Variants in EXOC6B observed in about 807,000 individuals in gnomAD.
The protein encoded by EXOC6B is exocyst complex component 6B.
Under a neutral mutation model 113.5 loss-of-function variants are expected in EXOC6B, and 54 were observed. The ratio of observed to expected loss-of-function variants is 0.48; its 90% CI spans 0.38 to 0.60. EXOC6B has a LOEUF of 0.60. Among genes scored for constraint, EXOC6B ranks in the 20% least tolerant of loss-of-function variants. The pLI, the probability that EXOC6B is intolerant of heterozygous loss-of-function variation, is 0.00. For missense variants in EXOC6B, 797 were observed against 977.5 expected (o/e 0.82, Z 2.46); for synonymous variants, 357 against 339.0 (o/e 1.05, Z -0.58).
intron 18 of EXOC6B, among the ~76,000 whole-genome samples, chr2:72,419,585 T>C (rs190781419): frequency 4.6e-5 from 7 of 152,300 alleles, no homozygotes; most frequent in African/African-American, 1.4e-4. Flanking sequence ...GAATTCTTGG[T>C]TCACAGTTTG....
At chr2:72,428,717 A>G (rs1439929990) in intron 18 of EXOC6B, among the ~76,000 whole-genome samples, 3 of 152,216 alleles carry the variant, frequency 2.0e-5, no homozygotes, top group Non-Finnish European at 4.4e-5. Flanking sequence ...CAGCCAAAAA[A>G]GCAACACCCC....
At chr2:72,631,567 C>G (rs373397995) in intron 6 of EXOC6B, among the ~76,000 whole-genome samples, 4 of 150,214 alleles carry the variant, frequency 2.7e-5, no homozygotes, top group African/African-American at 7.4e-5. Flanking sequence ...TACAATGGCA[C>G]GATCACTGCT....
At chr2:72,439,961 C>G (rs763705025) in intron 18 of EXOC6B, among the ~76,000 whole-genome samples, 20 of 151,998 alleles carry the variant, frequency 1.3e-4, no homozygotes, top group South Asian at 8.3e-4. Context: ...TTCATTTGCT[C>G]TAGTCCCTAG....
At chr2:72,455,463 G>A (rs1697169388) in intron 18 of EXOC6B, among the ~76,000 whole-genome samples, 2 of 152,040 alleles carry the variant, frequency 1.3e-5, no homozygotes, top group Non-Finnish European at 2.9e-5. Context: ...AGAGAAAAAG[G>A]TATTTAAATG....
At position 72,214,830 on chromosome 2, in the gene EXOC6B, C is replaced by T. The variant is rs375557325; in HGVS notation, c.2197-30643G>A. Among the ~76,000 whole-genome samples, 15 of 152,272 alleles carry T rather than the reference C, an allele frequency of 9.9e-5. 1 individual carries two copies. The highest frequency in any genetic ancestry group is 3.6e-4 in the African/African-American group (15 of 41,542). The stretch of plus-strand genomic sequence containing the variant: ...GGGAAGCTTTTCCAAAAGGTTGATG[C>T]TATGTTTTTGCATGCGAAAATTTTG... On this transcript the variant is annotated intron_variant, in intron 20 of 21. Transcript: ENST00000272427.
intron 19 of EXOC6B, among the ~76,000 whole-genome samples, chr2:72,363,053 C>A (rs1285527521): frequency 6.6e-6 from 1 of 152,092 alleles, no homozygotes; most frequent in African/African-American, 2.4e-5. Context: ...GCAATCAACA[C>A]CTGCTGGTGT....
At chr2:72,664,744 T>G (rs1185561038) in intron 6 of EXOC6B, among the ~76,000 whole-genome samples, 1 of 152,182 alleles carries the variant, frequency 6.6e-6, no homozygotes, top group Non-Finnish European at 1.5e-5. Context: ...AGCAGCCCTT[T>G]GAAAGGTTCC....
At chr2:72,561,508 T>C (rs747306063) in intron 7 of EXOC6B, among the ~76,000 whole-genome samples, 8 of 152,126 alleles carry the variant, frequency 5.3e-5, no homozygotes. Flanking sequence ...CTCAGAACCA[T>C]AGTTTCACTC....
At chr2:72,576,979 T>C (rs537851898) in intron 6 of EXOC6B, among the ~76,000 whole-genome samples, 51 of 152,056 alleles carry the variant, frequency 3.4e-4, no homozygotes, top group Middle Eastern at 3.4e-3. Flanking sequence ...GTTAATGAAA[T>C]GAAGATAAAT....
chr2:72,583,327 T>G (rs140771518), intron 6 of EXOC6B, among the ~76,000 whole-genome samples: 51 of 152,036 alleles, frequency 3.4e-4, no homozygotes, highest in African/African-American at 1.1e-3. Flanking sequence ...ACTGGAGAGG[T>G]AAACATACAG....
chr2:72,436,882 T>G (rs1455296276), intron 18 of EXOC6B, among the ~76,000 whole-genome samples: 1 of 152,100 alleles, frequency 6.6e-6, no homozygotes, highest in Non-Finnish European at 1.5e-5. Flanking sequence ...TTATTACCCA[T>G]CTTCTGAAGC....
chr2:72,204,275 T>C (rs1185586336), intron 20 of EXOC6B, among the ~76,000 whole-genome samples: 1 of 152,126 alleles, frequency 6.6e-6, no homozygotes, highest in Non-Finnish European at 1.5e-5. Flanking sequence ...CCTGAATGTA[T>C]CAGAGCAAAC....
At chr2:72,636,899 A>C (rs1022726364) in intron 6 of EXOC6B, among the ~76,000 whole-genome samples, 1 of 152,112 alleles carries the variant, frequency 6.6e-6, no homozygotes, top group Non-Finnish European at 1.5e-5. Context: ...TGATATGATA[A>C]CCTATGTAGA....
intron 18 of EXOC6B, among the ~76,000 whole-genome samples, chr2:72,435,714 C>CA (rs796929724): frequency 1.6e-5 from 2 of 126,482 alleles, no homozygotes; most frequent in Non-Finnish European, 3.2e-5. Context: ...GCATCCCCTG[C>CA]TTTTTTTTTG....
At chr2:72,605,870 C>T (rs546489049) in intron 6 of EXOC6B, among the ~76,000 whole-genome samples, 7 of 152,120 alleles carry the variant, frequency 4.6e-5, no homozygotes, top group Non-Finnish European at 8.8e-5. Flanking sequence ...TCATAACCAC[C>T]TTTACCTCAA....
chr2:72,408,736 A>C (rs1379782840), intron 18 of EXOC6B, among the ~76,000 whole-genome samples: 3 of 152,210 alleles, frequency 2.0e-5, no homozygotes, highest in Non-Finnish European at 4.4e-5. Flanking sequence ...TAAAGACTTA[A>C]ATGTTAGACC....
At chr2:72,757,719 T>C in intron 1 of EXOC6B, among the ~76,000 whole-genome samples, 1 of 152,268 alleles carries the variant, frequency 6.6e-6, no homozygotes, top group East Asian at 1.9e-4. Flanking sequence ...CTTTTTTAGG[T>C]TGACAAATGA....
At chr2:72,475,493 G>A (rs1292203928) in intron 17 of EXOC6B, among the ~76,000 whole-genome samples, 1 of 152,102 alleles carries the variant, frequency 6.6e-6, no homozygotes, top group Non-Finnish European at 1.5e-5. Context: ...CACCTGGGAG[G>A]AGTGTTCAGG....
At chr2:72,410,792 T>C (rs1428858547) in intron 18 of EXOC6B, among the ~76,000 whole-genome samples, 2 of 152,182 alleles carry the variant, frequency 1.3e-5, no homozygotes, top group African/African-American at 2.4e-5. Context: ...ATGTATAACA[T>C]TTATACCTAC....
Sources: allele counts gnomAD v4.1 joint callset (sites outside exome capture counted in the v4.1 genomes callset), GRCh38; gene constraint gnomAD v4.1.1; transcripts MANE v1.5; gene names NCBI Gene and HGNC (gene_info 2026-07-23, HGNC 2026-07-21).